ROBO2: variants seen among roughly 807,000 people sequenced by gnomAD.
ROBO2 encodes roundabout homolog 2.
Under a neutral mutation model 160.8 loss-of-function variants are expected in ROBO2, and 53 were observed. The observed-to-expected ratio is 0.33, with a 90% CI of 0.26 to 0.41. The LOEUF (loss-of-function observed/expected upper bound fraction) is 0.41. ROBO2 is among the 10% of genes least tolerant of loss of function. The pLI, the probability that ROBO2 is intolerant of heterozygous loss-of-function variation, is 1.00. For missense variants in ROBO2, 1,577 were observed against 1,722.4 expected (o/e 0.92, Z 1.49); for synonymous variants, 664 against 611.7 (o/e 1.09, Z -1.26).
At chr3:77,631,607 T>C (rs1161648982) in intron 23 of ROBO2, 3 of 152,106 alleles carry the variant, frequency 2.0e-5, no homozygotes, top group Non-Finnish European at 2.9e-5. Flanking sequence ...TCTGTTTTTG[T>C]CTAAGAAAAC....
chr3:76,450,101 G>A (rs1001672853), intron 2 of ROBO2, among the ~76,000 whole-genome samples: 1 of 152,130 alleles, frequency 6.6e-6, no homozygotes, highest in African/African-American at 2.4e-5. Context: ...ACGTTTGGAA[G>A]AAGAGTAGGT....
At chr3:77,022,242 C>T (rs868468592) in intron 2 of ROBO2, among the ~76,000 whole-genome samples, 17 of 152,080 alleles carry the variant, frequency 1.1e-4, no homozygotes, top group African/African-American at 2.4e-4. Flanking sequence ...TGGTGACAAA[C>T]GCCTGTAATC....
intron 2 of ROBO2, among the ~76,000 whole-genome samples, chr3:77,321,097 C>G (rs2064642128): frequency 6.6e-6 from 1 of 152,066 alleles, no homozygotes; most frequent in Admixed American, 6.6e-5. Flanking sequence ...TCGGAGTTAA[C>G]TCAAGCGGTT....
At chr3:77,261,109 G>A (rs534759698) in intron 2 of ROBO2, among the ~76,000 whole-genome samples, 6 of 152,266 alleles carry the variant, frequency 3.9e-5, no homozygotes, top group Non-Finnish European at 7.4e-5. Context: ...TGAAGATAGC[G>A]TATGGGAAAG....
At chr3:76,853,159 A>G (rs1482106634) in intron 2 of ROBO2, among the ~76,000 whole-genome samples, 1 of 152,078 alleles carries the variant, frequency 6.6e-6, no homozygotes, top group African/African-American at 2.4e-5. Flanking sequence ...GGAATATAAT[A>G]GACATTTCTT....
intron 2 of ROBO2, among the ~76,000 whole-genome samples, chr3:77,288,548 G>C (rs2060780806): frequency 6.6e-6 from 1 of 152,110 alleles, no homozygotes. Flanking sequence ...CATGCCTGTT[G>C]TGCTGTTTTC....
chr3:76,331,454 A>G (rs1215778832), intron 2 of ROBO2, among the ~76,000 whole-genome samples: 3 of 151,822 alleles, frequency 2.0e-5, no homozygotes, highest in African/African-American at 7.3e-5. Context: ...CATTAAATCT[A>G]ATCTTCATTC....
At position 77,030,224 on chromosome 3, in the gene ROBO2, G is replaced by A. The variant is rs577662960; in HGVS notation, c.110-67790G>A. On this transcript the variant is annotated intron_variant, in intron 2 of 26. Transcript: ENST00000487694. ...CTCCCAGAGTGCTGGGATTACAGGC[G>A]TAAGCCACCGCGCCTGGCAAAAGTA... Among the ~76,000 whole-genome samples, 22 of 152,276 alleles carry A rather than the reference G, an allele frequency of 1.4e-4. No individual in the cohort carries two copies. The East Asian group carries it at 3.5e-3, about 24-fold the overall frequency.
At chr3:77,237,611 A>C (rs1385088811) in intron 2 of ROBO2, among the ~76,000 whole-genome samples, 2 of 152,264 alleles carry the variant, frequency 1.3e-5, no homozygotes. Context: ...GATGTAACAC[A>C]AGTCCATATA....
intron 2 of ROBO2, among the ~76,000 whole-genome samples, chr3:77,320,087 T>G (rs933765701): frequency 6.6e-6 from 1 of 152,210 alleles, no homozygotes; most frequent in African/African-American, 2.4e-5. Flanking sequence ...AGCTGCATAT[T>G]TTAATTCATT....
chr3:76,157,059 T>C (rs1380011543), intron 2 of ROBO2, among the ~76,000 whole-genome samples: 1 of 152,174 alleles, frequency 6.6e-6, no homozygotes, highest in Non-Finnish European at 1.5e-5. Flanking sequence ...AAATTCTTAT[T>C]TATGAACAGA....
chr3:77,462,033 C>T (rs1387746195), intron 2 of ROBO2, among the ~76,000 whole-genome samples: 1 of 152,070 alleles, frequency 6.6e-6, no homozygotes, highest in African/African-American at 2.4e-5. Flanking sequence ...GCCTGATTTA[C>T]TTACATGAAA....
chr3:76,814,708 A>C (rs146596061), intron 2 of ROBO2, among the ~76,000 whole-genome samples: 103 of 152,244 alleles, frequency 6.8e-4, no homozygotes, highest in African/African-American at 2.1e-3. Flanking sequence ...ACCATGTCAT[A>C]TAAGAAATAT....
intron 2 of ROBO2, among the ~76,000 whole-genome samples, chr3:76,073,150 A>G (rs1184179912): frequency 6.6e-6 from 1 of 152,092 alleles, no homozygotes; most frequent in Non-Finnish European, 1.5e-5. Flanking sequence ...GCTGCTCTCC[A>G]TAATTAAGTC....
At chr3:77,529,841 G>C (rs1181903925) in intron 6 of ROBO2, among the ~76,000 whole-genome samples, 1 of 151,752 alleles carries the variant, frequency 6.6e-6, no homozygotes, top group Non-Finnish European at 1.5e-5. Flanking sequence ...CTTTAAACTT[G>C]ACAACTACTA....
intron 2 of ROBO2, among the ~76,000 whole-genome samples, chr3:75,960,637 TTC>T (rs1948876810): frequency 6.6e-6 from 1 of 151,830 alleles, no homozygotes. Context: ...CTAAATGAAT[TTC>T]TGTTTTCAAA....
At chr3:77,003,799 C>T (rs568622156) in intron 2 of ROBO2, among the ~76,000 whole-genome samples, 4 of 152,086 alleles carry the variant, frequency 2.6e-5, no homozygotes, top group Non-Finnish European at 5.9e-5. Context: ...ATCCACCTGA[C>T]TCGGCCAAGT....
intron 2 of ROBO2, among the ~76,000 whole-genome samples, chr3:76,706,079 A>C (rs1382461711): frequency 1.3e-5 from 2 of 152,178 alleles, no homozygotes; most frequent in African/African-American, 4.8e-5. Flanking sequence ...AGAAGAAAGC[A>C]ATAATAGTAT....
intron 2 of ROBO2, among the ~76,000 whole-genome samples, chr3:76,206,808 G>A (rs1702835838): frequency 6.6e-6 from 1 of 152,140 alleles, no homozygotes; most frequent in Admixed American, 6.6e-5. Context: ...TGTGAGAATA[G>A]AGGGTAGTAA....
Sources: gnomAD v4.1 joint callset for allele counts (sites outside exome capture counted in the v4.1 genomes callset) on GRCh38, gnomAD v4.1.1 for gene constraint, MANE v1.5 for transcripts, NCBI Gene and HGNC (gene_info 2026-07-23, HGNC 2026-07-21) for gene names.